Variants in CORO7 observed in about 807,000 individuals in gnomAD.
CORO7 encodes coronin-7.
In CORO7, 107 loss-of-function variants were observed where a neutral mutation model predicts 126.6. That is an observed-to-expected ratio of 0.85 (90% CI 0.72 to 0.99). The LOEUF (loss-of-function observed/expected upper bound fraction) is 0.99, where lower values mean the gene tolerates loss of function less well. Ranked by LOEUF, CORO7 falls within the 50% of genes least tolerant of loss-of-function variation. CORO7 has a pLI of 0.00. For synonymous variants in CORO7, 603 were observed against 536.8 expected (o/e 1.12, Z -1.70); for missense variants, 1,314 against 1,255.8 (o/e 1.05, Z -0.70).
intron 9 of CORO7, chr16:4,387,620 C>T (rs1192899018): frequency 4.5e-6 from 1 of 220,964 alleles, no homozygotes; most frequent in Non-Finnish European, 9.3e-6. Flanking sequence ...CCTGGAGCCT[C>T]CCTGGGCCTC....
In CORO7 at chr16:4,373,577, G is replaced by C. The variant is rs138427953; in HGVS notation, c.786-8032C>G. Among the ~76,000 whole-genome samples the C allele has an allele frequency of 3.3e-5, 5 of 152,320 alleles. No individual in the cohort carries two copies. The East Asian group carries it at 9.6e-4, about 29-fold the overall frequency. ...CCGAGGAAGGCCCCTCTGGCACGCA[G>C]CCCAGGGGCCAGGGAGATGGCAAGG... On this transcript the variant is annotated intron_variant, in intron 9 of 27. Transcript: ENST00000251166.
chr16:4,400,587 C>T (rs1191455144), intron 6 of CORO7, among the ~76,000 whole-genome samples: 2 of 151,934 alleles, frequency 1.3e-5, no homozygotes, highest in African/African-American at 2.4e-5. Flanking sequence ...GAGCTGAGAT[C>T]GTGCCATTGC....
At chr16:4,394,567 C>G (rs1242014260) in intron 7 of CORO7, among the ~76,000 whole-genome samples, 1 of 152,224 alleles carries the variant, frequency 6.6e-6, no homozygotes, top group African/African-American at 2.4e-5. Flanking sequence ...TTCAGGCCAT[C>G]TATGTCTGCC....
intron 9 of CORO7, among the ~76,000 whole-genome samples, chr16:4,385,245 G>A (rs182027335): frequency 3.5e-4 from 53 of 152,248 alleles, no homozygotes; most frequent in Admixed American, 6.5e-4. Context: ...CGGCGACCTC[G>A]TCTATTGAAA....
intron 7 of CORO7, among the ~76,000 whole-genome samples, chr16:4,389,054 C>T (rs1475167327): frequency 2.0e-5 from 3 of 152,184 alleles, no homozygotes; most frequent in Non-Finnish European, 4.4e-5. Context: ...GTAAGGGGCT[C>T]ACGATGCGGT....
At position 4,364,783 on chromosome 16, in the gene CORO7, G is replaced by A. The variant is rs1243149340; in HGVS notation, c.1036C>T (p.Pro346Ser). 1 of 1,610,728 alleles carries A rather than the reference G, an allele frequency of 6.2e-7. No individual in the cohort carries two copies. The highest frequency in any genetic ancestry group is 1.1e-5 in the South Asian group (1 of 90,798). Reference sequence around the variant, plus strand: ...GCCCAAGTCCCCCTCACCTTGCGGGGCACATGGTAGCCGATGGGCACGATG... The same window carrying A: ...GCCCAAGTCCCCCTCACCTTGCGGGACACATGGTAGCCGATGGGCACGATG... ...TAIVPIGYHVPRKAVEFHEDL... is the reference protein window; with the variant it reads ...TAIVPIGYHVSRKAVEFHEDL... Residue 346 changes from proline to serine, a missense_variant, in exon 12 of 28, where the codon CCC becomes TCC. Transcript: ENST00000251166.
At chr16:4,374,918 C>G (rs1157893649) in intron 9 of CORO7, among the ~76,000 whole-genome samples, 1 of 152,068 alleles carries the variant, frequency 6.6e-6, no homozygotes, top group Non-Finnish European at 1.5e-5. Context: ...TAGGGCCTTA[C>G]TAGATGGGTG....
At chr16:4,408,078 G>A in intron 4 of CORO7, 103 bp downstream of exon 4, 1 of 1,548,034 alleles carries the variant, frequency 6.5e-7, no homozygotes, top group Non-Finnish European at 8.9e-7. Context: ...GGGTGGGGCT[G>A]GACTGGGAGG....
At chr16:4,361,946 G>A (rs1487837830) in intron 16 of CORO7, 39 bp downstream of exon 16, 1 of 1,570,418 alleles carries the variant, frequency 6.4e-7, no homozygotes, top group South Asian at 1.2e-5. Flanking sequence ...GCCACAGGCA[G>A]GGAACTGAGG....
rs768494972 is a variant in CORO7, at chr16:4,405,523, G to T, written c.532C>A (p.Arg178=). 1.9e-6 allele frequency: 3 copies of T among 1,612,896 alleles called. No homozygotes were observed. The highest frequency in any genetic ancestry group is 3.3e-5 in the Admixed American group (2 of 60,016). ...GDLVQSAVWS[R]DGALVGTACK... Reference sequence around the variant, plus strand: ...GCCGTGCCCACCAGGGCTCCATCTCGGCTCCAGACGGCGCTCTGCACCAGG... The same window carrying T: ...GCCGTGCCCACCAGGGCTCCATCTCTGCTCCAGACGGCGCTCTGCACCAGG... The change falls in exon 6 of 28, where the codon CGA becomes AGA. Residue 178 remains arginine, a synonymous_variant. Transcript: ENST00000251166.
intron 1 of CORO7, among the ~76,000 whole-genome samples, chr16:4,415,210 C>T (rs992067193): frequency 5.3e-5 from 8 of 152,162 alleles, no homozygotes; most frequent in South Asian, 2.1e-4. Flanking sequence ...CCAACTTCTT[C>T]CGGTGGCCCT....
At chr16:4,412,781 G>A (rs1567307691) in intron 2 of CORO7, 2 of 330,130 alleles carry the variant, frequency 6.1e-6, no homozygotes, top group Admixed American at 4.5e-5. Context: ...AGGTGGCAGA[G>A]CTGAGAGACC....
chr16:4,364,787 A>T lies in CORO7; in HGVS notation c.1032T>A (p.His344Gln). 1 of 1,611,222 alleles carries T rather than the reference A, an allele frequency of 6.2e-7. No homozygotes were observed. The highest frequency in any genetic ancestry group is 8.5e-7 in the Non-Finnish European group (1 of 1,179,370). Reference protein sequence around the residue: ...SDTAIVPIGYHVPRKAVEFHE... With the variant: ...SDTAIVPIGYQVPRKAVEFHE... ...AAGTCCCCCTCACCTTGCGGGGCAC[A>T]TGGTAGCCGATGGGCACGATGGCTG... The change falls in exon 12 of 28, where the codon CAT becomes CAA. Residue 344 changes from histidine (H) to glutamine (Q), a missense_variant. His to Gln is a conservative substitution (Grantham distance 24). Transcript: ENST00000251166.
At chr16:4,414,912 T>C (rs939756945) in intron 1 of CORO7, among the ~76,000 whole-genome samples, 1 of 152,130 alleles carries the variant, frequency 6.6e-6, no homozygotes, top group Non-Finnish European at 1.5e-5. Flanking sequence ...CCCAGGCTGG[T>C]GTGTAGTGGC....
Position 4,395,277 on chromosome 16 carries a change from C to T in CORO7, c.615+12G>A. ...AGGCTTCAACCCACCCCAGCTTGCCCACACAACTCACCTGAGAGGCCCGCG... is the reference window on the plus strand; with the variant it reads ...AGGCTTCAACCCACCCCAGCTTGCCTACACAACTCACCTGAGAGGCCCGCG... On this transcript the variant is annotated intron_variant, in intron 7 of 27. Transcript: ENST00000251166. 1 of 1,614,026 alleles carries T rather than the reference C, an allele frequency of 6.2e-7. No individual in the cohort carries two copies. The highest frequency in any genetic ancestry group is 8.5e-7 in the Non-Finnish European group (1 of 1,179,986).
At chr16:4,400,797 C>CAATAACAAT in intron 6 of CORO7, among the ~76,000 whole-genome samples, 1 of 139,336 alleles carries the variant, frequency 7.2e-6, no homozygotes, top group East Asian at 2.1e-4. Flanking sequence ...TCCAGCAGTG[C>CAATAACAAT]AATAATAATA....
chr16:4,360,904 C>G (rs760850508), intron 19 of CORO7, 39 bp downstream of exon 19: 3 of 1,592,648 alleles, frequency 1.9e-6, no homozygotes, highest in Non-Finnish European at 2.6e-6. Context: ...CTGGCCCCGC[C>G]TCTCCACACT....
intron 9 of CORO7, among the ~76,000 whole-genome samples, chr16:4,378,288 G>T (rs745354189): frequency 6.6e-6 from 1 of 151,956 alleles, no homozygotes; most frequent in Non-Finnish European, 1.5e-5. Context: ...TGGAGTGAGC[G>T]CTCTTAACTG....
rs920472738 is a variant in CORO7, at chr16:4,416,590, C to T, written c.-72G>A. On this transcript the variant is annotated 5_prime_UTR_variant, in exon 1 of 28. Transcript: ENST00000251166. ...GGGTCTCAGGTGCACGCTGAGCAAC[C>T]GCGACTCCCGCTGCCTCGGCCCCAC... is the stretch of plus-strand genomic sequence containing the variant. 3.0e-5 allele frequency: 46 copies of T among 1,536,998 alleles called. No individual in the cohort carries two copies. Among genetic ancestry groups the T allele is most frequent in the Non-Finnish European group, 3.8e-5 (44 of 1,149,114 alleles).
Sources: gnomAD v4.1 joint callset for allele counts (sites outside exome capture counted in the v4.1 genomes callset) on GRCh38, gnomAD v4.1.1 for gene constraint, MANE v1.5 for transcripts, NCBI Gene and HGNC (gene_info 2026-07-23, HGNC 2026-07-21) for gene names.